The following SYNPR variants were observed in gnomAD, a reference collection of about 807,000 sequenced individuals.
SYNPR encodes synaptoporin.
A neutral mutation model predicts 32.9 loss-of-function variants in SYNPR; 23 were observed. The ratio of observed to expected loss-of-function variants is 0.70; its 90% CI spans 0.50 to 0.99. SYNPR has a LOEUF of 0.99. Ranked by LOEUF, SYNPR falls within the 50% of genes least tolerant of loss-of-function variation. The probability of loss-of-function intolerance (pLI) is 0.00; values close to 1 mark genes in which losing one functional copy is unlikely to be tolerated. For synonymous variants in SYNPR, 146 were observed against 135.9 expected, an observed-to-expected ratio of 1.07 and a Z score of -0.52; for missense variants, 318 against 349.3, an observed-to-expected ratio of 0.91 and a Z score of 0.71.
upstream of SYNPR, among the ~76,000 whole-genome samples, chr3:63,277,624 TC>T (rs538526806): frequency 4.0e-3 from 612 of 152,334 alleles, 1 homozygote; most frequent in Non-Finnish European, 6.4e-3. Flanking sequence ...AAATCTGTTT[TC>T]CACTGGCGCA....
intron 2 of SYNPR, among the ~76,000 whole-genome samples, chr3:63,378,081 T>C (rs1226500561): frequency 6.6e-6 from 1 of 151,940 alleles, no homozygotes; most frequent in Non-Finnish European, 1.5e-5. Context: ...TAATTCCATA[T>C]GTATTTTTGT....
At chr3:63,384,702 G>C (rs898164846) in intron 2 of SYNPR, among the ~76,000 whole-genome samples, 3 of 152,174 alleles carry the variant, frequency 2.0e-5, no homozygotes, top group South Asian at 4.1e-4. Flanking sequence ...CATTTATGGA[G>C]CTCGTACTAT....
chr3:63,369,864 G>C (rs576055111), intron 2 of SYNPR, among the ~76,000 whole-genome samples: 1 of 152,118 alleles, frequency 6.6e-6, no homozygotes. Flanking sequence ...GAATTCTGAG[G>C]TTGATTTGAG....
the SYNPR span, among the ~76,000 whole-genome samples, chr3:63,210,696 C>T: frequency 3.3e-5 from 5 of 152,158 alleles, no homozygotes; most frequent in Non-Finnish European, 7.4e-5. Context: ...AACTGTTAAA[C>T]AAAAATTATG....
the SYNPR span, among the ~76,000 whole-genome samples, chr3:63,217,595 T>C: frequency 7.2e-6 from 1 of 138,554 alleles, no homozygotes; most frequent in South Asian, 2.5e-4. Flanking sequence ...CACACTGGCC[T>C]GCGCCCACTG....
chr3:63,231,262 A>T (rs1472434648), intron 1 of SYNPR, among the ~76,000 whole-genome samples: 1 of 152,018 alleles, frequency 6.6e-6, no homozygotes. Flanking sequence ...AACCACTTAT[A>T]AGTGGGAGCT....
At chr3:63,333,740 A>G (rs1341006018) in intron 2 of SYNPR, among the ~76,000 whole-genome samples, 1 of 152,122 alleles carries the variant, frequency 6.6e-6, no homozygotes, top group African/African-American at 2.4e-5. Flanking sequence ...ATTTGCTACC[A>G]GGTTCTCCCT....
intron 3 of SYNPR, among the ~76,000 whole-genome samples, chr3:63,540,898 A>ACACACT (rs1702286920): frequency 8.2e-6 from 1 of 121,976 alleles, no homozygotes; most frequent in Admixed American, 9.2e-5. Context: ...TCCTACACAC[A>ACACACT]CACACACACA....
intron 2 of SYNPR, among the ~76,000 whole-genome samples, chr3:63,381,648 G>A (rs183157922): frequency 7.8e-4 from 118 of 152,172 alleles, no homozygotes; most frequent in African/African-American, 2.8e-3. Context: ...ATTTTAATCT[G>A]TTCTTCCAAT....
intron 2 of SYNPR, among the ~76,000 whole-genome samples, chr3:63,420,749 A>G (rs1575635095): frequency 6.6e-6 from 1 of 152,212 alleles, no homozygotes; most frequent in East Asian, 1.9e-4. Flanking sequence ...ACAATAGTCA[A>G]CTGGGAAAAG....
At chr3:63,345,042 T>A (rs2087419532) in intron 2 of SYNPR, among the ~76,000 whole-genome samples, 1 of 152,230 alleles carries the variant, frequency 6.6e-6, no homozygotes, top group Admixed American at 6.5e-5. Flanking sequence ...CTTAGAATAC[T>A]GATGTTATCT....
chr3:63,475,734 C>G (rs1700888554), intron 2 of SYNPR, among the ~76,000 whole-genome samples: 1 of 152,130 alleles, frequency 6.6e-6, no homozygotes, highest in Non-Finnish European at 1.5e-5. Context: ...ACACTGTCCC[C>G]TCAGGCTTTT....
the SYNPR span, among the ~76,000 whole-genome samples, chr3:63,201,132 T>C: frequency 6.6e-6 from 1 of 152,180 alleles, no homozygotes; most frequent in African/African-American, 2.4e-5. Context: ...TGAACAACTG[T>C]CTCAAGATTC....
Position 63,524,448 on chromosome 3 carries a change from AT to A in SYNPR, c.210-32094del, listed in dbSNP as rs1575691440. On this transcript the variant is annotated intron_variant, in intron 3 of 5. Coordinates refer to ENST00000478300, the MANE Select transcript of SYNPR (RefSeq NM_001130003.2). Reference sequence around the variant, plus strand: ...AGGAGAAAGTTTGGCAGGATCGCAGATGGGGGTGACACAAACCATATCATCC... The same window carrying A: ...AGGAGAAAGTTTGGCAGGATCGCAGAGGGGGTGACACAAACCATATCATCC... Among the ~76,000 whole-genome samples the A allele has an allele frequency of 2.0e-5, 3 of 152,154 alleles. No individual in the cohort carries two copies. The East Asian group carries it at 5.8e-4, about 29-fold the overall frequency.
At chr3:63,537,054 T>C (rs1559529523) in intron 3 of SYNPR, among the ~76,000 whole-genome samples, 1 of 152,060 alleles carries the variant, frequency 6.6e-6, no homozygotes, top group Non-Finnish European at 1.5e-5. Flanking sequence ...TAAAACTCTG[T>C]GAATACATGA....
intron 2 of SYNPR, among the ~76,000 whole-genome samples, chr3:63,356,058 C>A (rs2087573923): frequency 6.6e-6 from 1 of 152,218 alleles, no homozygotes; most frequent in South Asian, 2.1e-4. Context: ...AGCTCAAGCT[C>A]ATCTCCTCAG....
At chr3:63,504,309 C>G (rs1487725332) in intron 3 of SYNPR, among the ~76,000 whole-genome samples, 1 of 152,124 alleles carries the variant, frequency 6.6e-6, no homozygotes, top group Non-Finnish European at 1.5e-5. Context: ...CAACAACTGT[C>G]TGAAGCTCGC....
At chr3:63,379,533 A>G (rs1162380787) in intron 2 of SYNPR, among the ~76,000 whole-genome samples, 1 of 152,004 alleles carries the variant, frequency 6.6e-6, no homozygotes, top group Non-Finnish European at 1.5e-5. Flanking sequence ...TAGAACTGCT[A>G]TGTCTTCTTG....
At chr3:63,602,002 G>C (rs530763273) in intron 4 of SYNPR, among the ~76,000 whole-genome samples, 17 of 151,510 alleles carry the variant, frequency 1.1e-4, no homozygotes, top group African/African-American at 3.6e-4. Context: ...CTGTTTTTTT[G>C]TTTTGTTTTG....
Sources: gnomAD v4.1 joint callset for allele counts (sites outside exome capture counted in the v4.1 genomes callset) on GRCh38, gnomAD v4.1.1 for gene constraint, MANE v1.5 for transcripts, NCBI Gene and HGNC (gene_info 2026-07-23, HGNC 2026-07-21) for gene names.